TLL2: variants seen among roughly 807,000 people sequenced by gnomAD.
TLL2 encodes tolloid like 2, also known as tolloid-like protein 2.
Under a neutral mutation model 123.0 loss-of-function variants are expected in TLL2, and 106 were observed. The ratio of observed to expected loss-of-function variants is 0.86; its 90% CI spans 0.74 to 1.01. The LOEUF is 1.01. TLL2 is among the 50% of genes least tolerant of loss of function. TLL2 has a pLI of 0.00. For synonymous variants in TLL2, 494 were observed against 516.8 expected (o/e 0.96, Z 0.60); for missense variants, 1,332 against 1,336.7 (o/e 1.00, Z 0.06).
At chr10:96,419,742 C>A (rs901505240) in intron 7 of TLL2, among the ~76,000 whole-genome samples, 1 of 152,198 alleles carries the variant, frequency 6.6e-6, no homozygotes, top group East Asian at 1.9e-4. Context: ...TCAACAAACT[C>A]ATCAACAGGA....
At chr10:96,382,327 C>T (rs932421912) in intron 16 of TLL2, among the ~76,000 whole-genome samples, 2 of 152,226 alleles carry the variant, frequency 1.3e-5, no homozygotes, top group African/African-American at 4.8e-5. Context: ...CCATGCCCGG[C>T]CATGAATTTC....
At chr10:96,511,343 A>G (rs1847629753) in intron 1 of TLL2, among the ~76,000 whole-genome samples, 1 of 152,234 alleles carries the variant, frequency 6.6e-6, no homozygotes, top group South Asian at 2.1e-4. Flanking sequence ...AATTTCCAAG[A>G]GGATGGGCGG....
chr10:96,438,277 T>G (rs138782553), intron 3 of TLL2, among the ~76,000 whole-genome samples: 1 of 152,338 alleles, frequency 6.6e-6, no homozygotes, highest in East Asian at 1.9e-4. Flanking sequence ...AGGTCTGTCT[T>G]GATTTTTTTC....
Position 96,384,736 on chromosome 10 carries a change from C to A in TLL2, c.2045G>T (p.Ser682Ile), listed in dbSNP as rs765598534. 5.6e-6 allele frequency: 9 copies of A among 1,606,178 alleles called. No individual in the cohort carries two copies. Among genetic ancestry groups the A allele is most frequent in the Middle Eastern group, 1.6e-4 (1 of 6,070 alleles). ...CAGCTTGGCGTCGGGGGACAGGCCG[C>A]TGCGCACCTCTACAAAGTCGTACTT... is the stretch of plus-strand genomic sequence containing the variant. ...VCKYDFVEVRSGLSPDAKLHG... is the reference protein window; with the variant it reads ...VCKYDFVEVRIGLSPDAKLHG... The change falls in exon 16 of 21, where the codon AGC becomes ATC. Residue 682 changes from serine (S) to isoleucine (I), a missense_variant. Physicochemically the swap from Ser to Ile is moderately radical, Grantham distance 142 (BLOSUM62 -2). Coordinates refer to ENST00000357947, the MANE Select transcript of TLL2 (RefSeq NM_012465.4).
At chr10:96,446,265 T>A (rs1846896535) in intron 2 of TLL2, 97 bp from the exon 3 acceptor site, 3 of 1,117,050 alleles carry the variant, frequency 2.7e-6, no homozygotes, top group South Asian at 1.3e-5. Flanking sequence ...CTGGGGAGGA[T>A]CAGAATCACC....
At chr10:96,377,078 C>A (rs1418990141) in intron 17 of TLL2, among the ~76,000 whole-genome samples, 2 of 152,194 alleles carry the variant, frequency 1.3e-5, no homozygotes, top group Non-Finnish European at 2.9e-5. Flanking sequence ...GTTATCCTTG[C>A]AAATATGTTA....
intron 2 of TLL2, among the ~76,000 whole-genome samples, chr10:96,456,884 G>C (rs533797322): frequency 1.3e-5 from 2 of 152,332 alleles, no homozygotes; most frequent in South Asian, 4.1e-4. Context: ...GTCCCCAGGG[G>C]AGCTTGCTGG....
rs768736391 is a variant in TLL2, at chr10:96,373,650, A to G, written c.2608T>C (p.Phe870Leu). 3 of 1,614,108 alleles carry G rather than the reference A, an allele frequency of 1.9e-6. No individual in the cohort carries two copies. Among genetic ancestry groups the G allele is most frequent in the South Asian group, 1.1e-5 (1 of 91,076 alleles). The change falls in exon 19 of 21, where the codon TTT (phenylalanine) becomes CTT (leucine). Residue 870 changes from phenylalanine to leucine, a missense_variant. Phe to Leu is a conservative substitution (Grantham distance 22). Coordinates refer to ENST00000357947, the MANE Select transcript of TLL2 (RefSeq NM_012465.4). Reference sequence around the variant, plus strand: ...CTCTGCACTGAGGCATCCGAATAAAACCTGAGAAACATACTGCTGCCGGAA... The same window carrying G: ...CTCTGCACTGAGGCATCCGAATAAAGCCTGAGAAACATACTGCTGCCGGAA... ...VASGSSMFLR[F>L]YSDASVQRKG... is the part of the protein sequence containing the mutation.
intron 9 of TLL2, among the ~76,000 whole-genome samples, chr10:96,405,928 C>T (rs1043619111): frequency 2.0e-5 from 3 of 152,184 alleles, no homozygotes; most frequent in Non-Finnish European, 2.9e-5. Context: ...ATCAGTAAGA[C>T]AGGGTCCTTT....
At chr10:96,379,694 T>C (rs1219707568) in intron 16 of TLL2, among the ~76,000 whole-genome samples, 1 of 152,134 alleles carries the variant, frequency 6.6e-6, no homozygotes, top group Non-Finnish European at 1.5e-5. Context: ...TGGTGGTGCA[T>C]GCCTGTAATC....
chr10:96,486,638 C>T (rs539712604), intron 1 of TLL2, among the ~76,000 whole-genome samples: 2 of 152,334 alleles, frequency 1.3e-5, no homozygotes, highest in East Asian at 3.9e-4. Flanking sequence ...GGAAGGGCCA[C>T]GTGCCCAGCA....
chr10:96,402,816 C>G (rs1164687521), intron 10 of TLL2, among the ~76,000 whole-genome samples: 1 of 152,172 alleles, frequency 6.6e-6, no homozygotes, highest in Non-Finnish European at 1.5e-5. Context: ...CCCCTCTGTC[C>G]AGCCTCTTCT....
In TLL2 at chr10:96,513,775, C is replaced by T. The variant is rs1847657012; in HGVS notation, c.-90G>A. On this transcript the variant is annotated 5_prime_UTR_variant, in exon 1 of 21. Transcript: ENST00000357947. ...CGGCGCACACTGGGTCGGTCGGCTC[C>T]GGCCGGGACTCGGTGGTTACACAGG... 4 of 1,320,730 alleles carry T rather than the reference C, an allele frequency of 3.0e-6. No individual in the cohort carries two copies. Among genetic ancestry groups the T allele is most frequent in the Non-Finnish European group, 3.0e-6 (3 of 1,008,630 alleles). The allele number at this position is 1,320,730 out of a possible 1,614,324, so 81.8% of individuals were successfully genotyped here. A position where few individuals can be genotyped will look rare whatever the true frequency, so the allele number is the denominator to read the frequency against.
At chr10:96,425,740 T>A (rs1846673160) in intron 5 of TLL2, among the ~76,000 whole-genome samples, 1 of 152,050 alleles carries the variant, frequency 6.6e-6, no homozygotes, top group East Asian at 1.9e-4. Context: ...TAACAGCTTT[T>A]CAATTGATAT....
intron 13 of TLL2, among the ~76,000 whole-genome samples, chr10:96,394,956 T>C (rs1174104698): frequency 6.6e-6 from 1 of 152,256 alleles, no homozygotes; most frequent in Non-Finnish European, 1.5e-5. Flanking sequence ...TTATTAGATC[T>C]AATTTCCAAG....
chr10:96,445,854 C>G (rs952463129), intron 3 of TLL2, among the ~76,000 whole-genome samples: 1 of 152,164 alleles, frequency 6.6e-6, no homozygotes, highest in East Asian at 1.9e-4. Context: ...TAAGAGCTAT[C>G]CAAGGCCATG....
intron 1 of TLL2, among the ~76,000 whole-genome samples, chr10:96,483,164 T>C (rs923997039): frequency 2.0e-5 from 3 of 152,152 alleles, no homozygotes; most frequent in Non-Finnish European, 4.4e-5. Flanking sequence ...AAAATGACCC[T>C]TGGGCCTCCA....
intron 1 of TLL2, among the ~76,000 whole-genome samples, chr10:96,501,337 C>T (rs866048810): frequency 6.6e-6 from 1 of 152,162 alleles, no homozygotes; most frequent in African/African-American, 2.4e-5. Flanking sequence ...GCTCCGGACC[C>T]CTCCCACCCA....
intron 2 of TLL2, among the ~76,000 whole-genome samples, chr10:96,475,755 G>C (rs896492023): frequency 2.6e-5 from 4 of 152,114 alleles, no homozygotes; most frequent in African/African-American, 9.7e-5. Context: ...AAACAGGATG[G>C]CTCTGTGTCC....
Sources: allele counts gnomAD v4.1 joint callset (sites outside exome capture counted in the v4.1 genomes callset), GRCh38; gene constraint gnomAD v4.1.1; transcripts MANE v1.5; gene names NCBI Gene and HGNC (gene_info 2026-07-23, HGNC 2026-07-21).